The following UNC13B variants were observed in gnomAD, a reference collection of about 807,000 sequenced individuals.
The protein encoded by UNC13B is protein unc-13 homolog B.
Under a neutral mutation model 211.0 loss-of-function variants are expected in UNC13B, and 144 were observed. The observed-to-expected ratio is 0.68, with a 90% CI of 0.60 to 0.78. The LOEUF is 0.78. Among genes scored for constraint, UNC13B ranks in the 30% least tolerant of loss-of-function variants. The pLI, the probability that UNC13B is intolerant of heterozygous loss-of-function variation, is 0.00. For missense variants in UNC13B, 1,777 were observed against 2,002.0 expected (o/e 0.89, Z 2.14); for synonymous variants, 709 against 725.8 (o/e 0.98, Z 0.37).
chr9:35,168,456 G>A (rs919428054), intron 1 of UNC13B, among the ~76,000 whole-genome samples: 2 of 152,028 alleles, frequency 1.3e-5, no homozygotes, highest in South Asian at 2.1e-4. Context: ...TTTCCACCTG[G>A]ACTTTATGTG....
chr9:35,162,336 G>T (rs1424612747), intron 1 of UNC13B, 31 bp downstream of exon 1: 8 of 1,529,760 alleles, frequency 5.2e-6, no homozygotes, highest in Admixed American at 3.9e-5. Flanking sequence ...GGGGAGGCGG[G>T]GTGTCGGCGT....
At chr9:35,289,189 T>G (rs1176079308) in intron 7 of UNC13B, among the ~76,000 whole-genome samples, 2 of 152,158 alleles carry the variant, frequency 1.3e-5, no homozygotes, top group African/African-American at 4.8e-5. Context: ...TTAAAGTCTG[T>G]GATTGATTAG....
At chr9:35,380,871 A>G (rs1834781286) in intron 18 of UNC13B, among the ~76,000 whole-genome samples, 1 of 152,082 alleles carries the variant, frequency 6.6e-6, no homozygotes, top group Admixed American at 6.5e-5. Context: ...TAATCTTCAT[A>G]CTAGTGCTTT....
At chr9:35,348,231 C>T (rs917113859) in intron 11 of UNC13B, among the ~76,000 whole-genome samples, 1 of 152,264 alleles carries the variant, frequency 6.6e-6, no homozygotes, top group Admixed American at 6.5e-5. Flanking sequence ...CGACAAACTG[C>T]CTTATCTGGA....
intron 11 of UNC13B, among the ~76,000 whole-genome samples, chr9:35,345,884 G>C (rs1832323443): frequency 6.6e-6 from 1 of 152,146 alleles, no homozygotes; most frequent in Non-Finnish European, 1.5e-5. Context: ...TGTTACCTGA[G>C]ATTGTCTCCC....
intron 26 of UNC13B, among the ~76,000 whole-genome samples, chr9:35,392,682 A>T (rs981883728): frequency 2.4e-4 from 37 of 151,732 alleles, no homozygotes; most frequent in African/African-American, 8.7e-4. Context: ...TGGGAGATAT[A>T]CCTAATGCTA....
chr9:35,227,238 A>G (rs1177928789), intron 1 of UNC13B, among the ~76,000 whole-genome samples: 1 of 152,246 alleles, frequency 6.6e-6, no homozygotes, highest in Admixed American at 6.5e-5. Context: ...AGTATTAAGC[A>G]GGACTTGGAT....
At position 35,162,218 on chromosome 9, in the gene UNC13B, C is replaced by A. The variant is rs572791620; in HGVS notation, c.-66C>A. ...GTAACGAGAGCAGTCGCGGCACCTGCTGAGAGGAAAGAGGGAGCGGTCCGG... is the reference window on the plus strand; with the variant it reads ...GTAACGAGAGCAGTCGCGGCACCTGATGAGAGGAAAGAGGGAGCGGTCCGG... On this transcript the variant is annotated 5_prime_UTR_variant, in exon 1 of 40. In the 5' UTR this introduces an upstream ATG that the reference lacks. Transcript: ENST00000635942. 3.2e-6 allele frequency: 5 copies of A among 1,541,426 alleles called. No individual in the cohort carries two copies. In the South Asian group the frequency reaches 6.0e-5, roughly 18 times the overall value.
chr9:35,238,616 C>T (rs898826330), intron 5 of UNC13B, among the ~76,000 whole-genome samples: 9 of 151,084 alleles, frequency 6.0e-5, no homozygotes. Context: ...AGGGCAGTGG[C>T]ATGATCTTGG....
At chr9:35,381,388 A>G (rs1236623134) in intron 19 of UNC13B, among the ~76,000 whole-genome samples, 168 bp from the exon 20 acceptor site, 1 of 152,190 alleles carries the variant, frequency 6.6e-6, no homozygotes, top group East Asian at 1.9e-4. Context: ...ATTCTCTTCC[A>G]CTAATGTGAG....
At chr9:35,362,652 T>C (rs2132130457) in intron 11 of UNC13B, among the ~76,000 whole-genome samples, 2 of 152,106 alleles carry the variant, frequency 1.3e-5, no homozygotes, top group Middle Eastern at 3.4e-3. Context: ...TACAAAAAAT[T>C]AGCTGGGCAT....
chr9:35,177,581 C>T (rs1301572349), intron 1 of UNC13B, among the ~76,000 whole-genome samples: 1 of 152,190 alleles, frequency 6.6e-6, no homozygotes, highest in African/African-American at 2.4e-5. Context: ...TGTATAGTAA[C>T]TTTTACTCTC....
chr9:35,389,695 T>C, intron 24 of UNC13B, 151 bp from the exon 25 acceptor site: 1 of 751,054 alleles, frequency 1.3e-6, no homozygotes, highest in South Asian at 1.8e-5. Context: ...ACAGGGATAG[T>C]CTTGTGGAAG....
chr9:35,282,372 T>A (rs1330725041), intron 7 of UNC13B, among the ~76,000 whole-genome samples: 1 of 152,110 alleles, frequency 6.6e-6, no homozygotes, highest in Non-Finnish European at 1.5e-5. Context: ...CACTAGAGTT[T>A]GTTTTTGCTT....
At chr9:35,314,420 C>G (rs1830342780) in intron 11 of UNC13B, among the ~76,000 whole-genome samples, 1 of 152,092 alleles carries the variant, frequency 6.6e-6, no homozygotes, top group South Asian at 2.1e-4. Flanking sequence ...AGTATCAGCA[C>G]ACTAAGATCT....
chr9:35,236,496 A>G lies in UNC13B; in HGVS notation c.180A>G (p.Leu60=). The G allele has an allele frequency of 6.2e-7, 1 of 1,614,064 alleles. No individual in the cohort carries two copies. Among genetic ancestry groups the G allele is most frequent in the Non-Finnish European group, 8.5e-7 (1 of 1,179,948 alleles). ...AGATTAGTCGCCTGGACCTGGGTCTAAGTGTGGAGGTATGGAACAAAGGAC... is the reference window on the plus strand; with the variant it reads ...AGATTAGTCGCCTGGACCTGGGTCTGAGTGTGGAGGTATGGAACAAAGGAC... ...MFEISRLDLG[L]SVEVWNKGLI... is the part of the protein sequence containing the mutation. Residue 60 remains leucine (L), a synonymous_variant, in exon 4 of 40, where the codon CTA becomes CTG. Transcript: ENST00000635942.
intron 1 of UNC13B, among the ~76,000 whole-genome samples, chr9:35,217,934 C>T (rs1031438451): frequency 2.0e-5 from 3 of 151,958 alleles, no homozygotes; most frequent in African/African-American, 7.3e-5. Context: ...CTTAGCTACT[C>T]AGGAGCCTGA....
chr9:35,300,142 G>A (rs557822389), intron 8 of UNC13B, 24 bp from the exon 9 acceptor site: 1 of 398,588 alleles, frequency 2.5e-6, no homozygotes, highest in South Asian at 1.3e-4. Flanking sequence ...CTGAGTTTAA[G>A]GTTGAAACTT....
At chr9:35,245,082 G>A (rs908096192) in intron 6 of UNC13B, among the ~76,000 whole-genome samples, 4 of 151,750 alleles carry the variant, frequency 2.6e-5, no homozygotes, top group African/African-American at 9.7e-5. Flanking sequence ...TTGTGTTTTC[G>A]TTCTTCCCAA....
Sources: gnomAD v4.1 joint callset for allele counts (sites outside exome capture counted in the v4.1 genomes callset) on GRCh38, gnomAD v4.1.1 for gene constraint, MANE v1.5 for transcripts, NCBI Gene and HGNC (gene_info 2026-07-23, HGNC 2026-07-21) for gene names.